Variants in OR4K2 observed in about 807,000 individuals in gnomAD.
OR4K2 encodes the protein olfactory receptor family 4 subfamily K member 2.
In OR4K2, 8 loss-of-function variants were observed where a neutral mutation model predicts 10.5. The observed-to-expected ratio is 0.76, with a 90% confidence interval of 0.45 to 1.37. The LOEUF (loss-of-function observed/expected upper bound fraction) is 1.37, where lower values mean the gene tolerates loss of function less well. Ranked by LOEUF, OR4K2 falls within the 40% of genes most tolerant of loss-of-function variation. OR4K2 has a pLI of 0.00. For synonymous variants in OR4K2, 178 were observed against 133.6 expected, an observed-to-expected ratio of 1.33 and a Z score of -2.29; for missense variants, 547 against 379.5, an observed-to-expected ratio of 1.44 and a Z score of -3.67.
chr14:19,881,782 T>A lies in OR4K2; in HGVS notation c.*4570T>A, dbSNP rs952566360. 2 of 152,010 alleles carry A rather than the reference T, an allele frequency of 1.3e-5. No individual in the cohort carries two copies. The highest frequency in any genetic ancestry group is 2.9e-5 in the Non-Finnish European group (2 of 67,994). The allele number at this position is 152,010 out of a possible 1,614,324, so 9.4% of individuals were successfully genotyped here. A position where few individuals can be genotyped will look rare whatever the true frequency, so the allele number is the denominator to read the frequency against. ...AAAAGCCAGATTTTTCTCCCTTTGC[T>A]CACTTGCCACCTGTTAAAGAAAATT... On this transcript the variant is annotated 3_prime_UTR_variant, in exon 2 of 2. Transcript: ENST00000641885.
At position 19,881,974 on chromosome 14, in the gene OR4K2, G is replaced by A. The variant is rs565508397; in HGVS notation, c.*4762G>A. The A allele has an allele frequency of 6.6e-6, 1 of 152,164 alleles. No individual in the cohort carries two copies. The highest frequency in any genetic ancestry group is 2.1e-4 in the South Asian group (1 of 4,834). 9.4% of individuals were successfully genotyped at this position (152,164 alleles called of 1,614,324 possible). On this transcript the variant is annotated 3_prime_UTR_variant, in exon 2 of 2. Coordinates refer to ENST00000641885, the MANE Select transcript of OR4K2 (RefSeq NM_001005501.2). ...CGGAAACCATTGGGTAAATTAAGCAGATTTAATACAATGTATTAAATGCTT... is the reference window on the plus strand; with the variant it reads ...CGGAAACCATTGGGTAAATTAAGCAAATTTAATACAATGTATTAAATGCTT...
rs771822273 is a variant in OR4K2 at position 19,877,128 on chromosome 14, T to C, written c.861T>C (p.Tyr287=). ...CTCCCACTCTGAACCCAATAATCTA[T>C]ACTTTGAGGAATCAAGAAGTAAAGA... ...IFTPTLNPII[Y]TLRNQEVKIA... The change falls in exon 2 of 2, where the codon TAT becomes TAC. Residue 287 remains tyrosine, a synonymous_variant. Coordinates refer to ENST00000641885, the MANE Select transcript of OR4K2 (RefSeq NM_001005501.2). 1.4e-5 allele frequency: 23 copies of C among 1,605,586 alleles called. No individual in the cohort carries two copies. The highest frequency in any genetic ancestry group is 4.0e-5 in the African/African-American group (3 of 74,920).
rs1880975281 is a variant in OR4K2, at chr14:19,878,952, CA to C, written c.*1744del. On this transcript the variant is annotated 3_prime_UTR_variant, in exon 2 of 2. Coordinates refer to ENST00000641885, the MANE Select transcript of OR4K2 (RefSeq NM_001005501.2). Reference sequence around the variant, plus strand: ...TATTTCTTTGTCCAGGGAATATTTTCAAAACTGTGCTGCTTTTTGCAATATA... The same window carrying C: ...TATTTCTTTGTCCAGGGAATATTTTCAAACTGTGCTGCTTTTTGCAATATA... 1 of 152,216 alleles carries C rather than the reference CA, an allele frequency of 6.6e-6. No individual in the cohort carries two copies. The highest frequency in any genetic ancestry group is 2.4e-5 in the African/African-American group (1 of 41,470). 9.4% of individuals were successfully genotyped at this position (152,216 alleles called of 1,614,324 possible).
At position 19,876,296 on chromosome 14, in the gene OR4K2, C is replaced by G; in HGVS notation, c.29C>G (p.Ser10Cys). The change falls in exon 2 of 2, where the codon TCT becomes TGT. Residue 10 changes from serine to cysteine, a missense_variant. Ser to Cys is a moderately radical substitution (Grantham distance 112). Coordinates refer to ENST00000641885, the MANE Select transcript of OR4K2 (RefSeq NM_001005501.2). MDVGNKSTM[S>C]EFVLLGLSNS... ...GATGTGGGCAATAAGTCTACCATGTCTGAATTTGTTTTGCTGGGGCTCTCT... is the reference window on the plus strand; with the variant it reads ...GATGTGGGCAATAAGTCTACCATGTGTGAATTTGTTTTGCTGGGGCTCTCT... 6.4e-7 allele frequency: 1 copy of G among 1,554,742 alleles called. No homozygotes were observed. The highest frequency in any genetic ancestry group is 1.8e-5 in the Admixed American group (1 of 56,596).
At position 19,875,484 on chromosome 14, in the gene OR4K2, T is replaced by C. The variant is rs767661011; in HGVS notation, c.-674T>C. On this transcript the variant is annotated 5_prime_UTR_variant, in exon 1 of 2. The change abolishes an upstream ATG in the 5' untranslated region. Transcript: ENST00000641885. ...ATCTTTGAGCACTTTCCCATGAAAA[T>C]GTTGTTATATATCCTTTGTGATATA... 1.3e-5 allele frequency: 2 copies of C among 152,192 alleles called. No individual in the cohort carries two copies. Among genetic ancestry groups the C allele is most frequent in the South Asian group, 2.1e-4 (1 of 4,826 alleles). 9.4% of individuals were successfully genotyped at this position (152,192 alleles called of 1,614,324 possible). A position where few individuals can be genotyped will look rare whatever the true frequency, so the allele number is the denominator to read the frequency against.
At position 19,877,952 on chromosome 14, in the gene OR4K2, C is replaced by T. The variant is rs2138531648; in HGVS notation, c.*740C>T. On this transcript the variant is annotated 3_prime_UTR_variant, in exon 2 of 2. Transcript: ENST00000641885. ...TTGTTTTGTGCAGACACGATGGTTG[C>T]TTAGTTCCTAAGAAGTTAAAACTAG... The T allele has an allele frequency of 1.3e-5, 2 of 152,364 alleles. No homozygotes were observed. Among genetic ancestry groups the T allele is most frequent in the Middle Eastern group, 6.8e-3 (2 of 296 alleles). 9.4% of individuals were successfully genotyped at this position (152,364 alleles called of 1,614,324 possible).
rs1301397519 is a variant in OR4K2 at position 19,875,142 on chromosome 14, G to A, written c.-1016G>A. 6.6e-6 allele frequency: 1 copy of A among 152,204 alleles called. No individual in the cohort carries two copies. The highest frequency in any genetic ancestry group is 1.5e-5 in the Non-Finnish European group (1 of 68,028). 9.4% of individuals were successfully genotyped at this position (152,204 alleles called of 1,614,324 possible). On this transcript the variant is annotated 5_prime_UTR_variant, in exon 1 of 2. Transcript: ENST00000641885. ...AGGTGATTTCTTGTTCAATTCCCATGTCCCTACAACATCCATTTTATCCAC... is the reference window on the plus strand; with the variant it reads ...AGGTGATTTCTTGTTCAATTCCCATATCCCTACAACATCCATTTTATCCAC...
chr14:19,877,086 GT>G lies in OR4K2; in HGVS notation c.823del (p.Tyr275IlefsTer8). ...SFLTDKILSV[F>X]YTIFTPTLNP... ...TTCTCACAGACAAGATTCTGTCTGTGTTTTATACCATCTTTACTCCCACTCT... is the reference window on the plus strand; with the variant it reads ...TTCTCACAGACAAGATTCTGTCTGTGTTTATACCATCTTTACTCCCACTCT... On this transcript the variant is annotated frameshift_variant, in exon 2 of 2. Transcript: ENST00000641885. LOFTEE classifies it high-confidence loss of function. 6.2e-7 allele frequency: 1 copy of G among 1,610,546 alleles called. No individual in the cohort carries two copies. Among genetic ancestry groups the G allele is most frequent in the Admixed American group, 1.7e-5 (1 of 60,002 alleles).
chr14:19,875,956 A>G lies in OR4K2; in HGVS notation c.-202A>G. On this transcript the variant is annotated 5_prime_UTR_variant, in exon 1 of 2. Transcript: ENST00000641885. Reference sequence around the variant, plus strand: ...CTTACACAGATGAATAGATGGACAAATAGGTAGGTATGTCTGTTCAGAATG... The same window carrying G: ...CTTACACAGATGAATAGATGGACAAGTAGGTAGGTATGTCTGTTCAGAATG... 3.2e-6 allele frequency: 1 copy of G among 316,578 alleles called. No individual in the cohort carries two copies. 19.6% of individuals were successfully genotyped at this position (316,578 alleles called of 1,614,324 possible).
chr14:19,882,364 C>CTTTTTTTTTTTTTTTTTTTTTTTTTTTTT lies in OR4K2; in HGVS notation c.*5154_*5155insTTTTTTTTTTTTTTTTTTTTTTTTTTTTT, dbSNP rs1566486271. On this transcript the variant is annotated 3_prime_UTR_variant, in exon 2 of 2. Coordinates refer to ENST00000641885, the MANE Select transcript of OR4K2 (RefSeq NM_001005501.2). ...AAATCAATTTGTAGATTTCAAGATT[C>CTTTTTTTTTTTTTTTTTTTTTTTTTTTTT]TTATGCAACAGAAAACATGCTAATA... 2 of 152,124 alleles carry CTTTTTTTTTTTTTTTTTTTTTTTTTTTTT rather than the reference C, an allele frequency of 1.3e-5. No homozygotes were observed. Among genetic ancestry groups the CTTTTTTTTTTTTTTTTTTTTTTTTTTTTT allele is most frequent in the African/African-American group, 4.8e-5 (2 of 41,340 alleles). The allele number at this position is 152,124 out of a possible 1,614,324, so 9.4% of individuals were successfully genotyped here. A position where few individuals can be genotyped will look rare whatever the true frequency, so the allele number is the denominator to read the frequency against.
chr14:19,875,345 T>G lies in OR4K2; in HGVS notation c.-813T>G, dbSNP rs1287593899. On this transcript the variant is annotated 5_prime_UTR_variant, in exon 1 of 2. Coordinates refer to ENST00000641885, the MANE Select transcript of OR4K2 (RefSeq NM_001005501.2). ...ACTGAAATATTTTAAATGTTTGCCCTTCCCACTCCCATTTCCTAATCCCTA... is the reference window on the plus strand; with the variant it reads ...ACTGAAATATTTTAAATGTTTGCCCGTCCCACTCCCATTTCCTAATCCCTA... 4 of 152,258 alleles carry G rather than the reference T, an allele frequency of 2.6e-5. No homozygotes were observed. The highest frequency in any genetic ancestry group is 5.9e-5 in the Non-Finnish European group (4 of 68,052). 9.4% of individuals were successfully genotyped at this position (152,258 alleles called of 1,614,324 possible). A position where few individuals can be genotyped will look rare whatever the true frequency, so the allele number is the denominator to read the frequency against.
rs1254356691 is a variant in OR4K2 at position 19,882,144 on chromosome 14, G to A, written c.*4932G>A. The stretch of plus-strand genomic sequence containing the variant: ...CATTGCCACTCCTTCATCACCCTCA[G>A]CACTCTTGAAGGTGGTGAATAGTCA... On this transcript the variant is annotated 3_prime_UTR_variant, in exon 2 of 2. Transcript: ENST00000641885. The A allele has an allele frequency of 2.6e-5, 4 of 152,400 alleles. No individual in the cohort carries two copies. The highest frequency in any genetic ancestry group is 2.6e-4 in the Admixed American group (4 of 15,286). The allele number at this position is 152,400 out of a possible 1,614,324, so 9.4% of individuals were successfully genotyped here.
rs1176956110 is a variant in OR4K2 at position 19,883,350 on chromosome 14, T to C, written c.*6138T>C. ...ATTCTCTACTATATTCCTCAGGAAG[T>C]CTTCTTGAAGACCCTATTCTCTGAA... is the stretch of plus-strand genomic sequence containing the variant. On this transcript the variant is annotated 3_prime_UTR_variant, in exon 2 of 2. Transcript: ENST00000641885. The C allele has an allele frequency of 6.6e-6, 1 of 152,284 alleles. No individual in the cohort carries two copies. Among genetic ancestry groups the C allele is most frequent in the African/African-American group, 2.4e-5 (1 of 41,466 alleles). The allele number at this position is 152,284 out of a possible 1,614,324, so 9.4% of individuals were successfully genotyped here.
Position 19,882,593 on chromosome 14 carries a change from C to T in OR4K2, c.*5381C>T, listed in dbSNP as rs905674207. 6.6e-6 allele frequency: 1 copy of T among 152,260 alleles called. No individual in the cohort carries two copies. The allele number at this position is 152,260 out of a possible 1,614,324, so 9.4% of individuals were successfully genotyped here. A position where few individuals can be genotyped will look rare whatever the true frequency, so the allele number is the denominator to read the frequency against. ...AACTTCGCCAGCCACCCCTGAAGTC[C>T]TCAAGTTTGTTCATCTCGATGACAA... On this transcript the variant is annotated 3_prime_UTR_variant, in exon 2 of 2. Coordinates refer to ENST00000641885, the MANE Select transcript of OR4K2 (RefSeq NM_001005501.2).
In OR4K2 at chr14:19,878,539, T is replaced by C. The variant is rs1880966224; in HGVS notation, c.*1327T>C. On this transcript the variant is annotated 3_prime_UTR_variant, in exon 2 of 2. Coordinates refer to ENST00000641885, the MANE Select transcript of OR4K2 (RefSeq NM_001005501.2). Reference sequence around the variant, plus strand: ...AAAGATAATTAAAACAGAAAATCCTTAGATGTTCATATTAAACCAAGTTAT... The same window carrying C: ...AAAGATAATTAAAACAGAAAATCCTCAGATGTTCATATTAAACCAAGTTAT... 6.6e-6 allele frequency: 1 copy of C among 152,220 alleles called. No homozygotes were observed. The highest frequency in any genetic ancestry group is 2.4e-5 in the African/African-American group (1 of 41,472). The allele number at this position is 152,220 out of a possible 1,614,324, so 9.4% of individuals were successfully genotyped here.
At position 19,875,259 on chromosome 14, in the gene OR4K2, A is replaced by C. The variant is rs932700447; in HGVS notation, c.-899A>C. 3.3e-5 allele frequency: 5 copies of C among 152,256 alleles called. No individual in the cohort carries two copies. Among genetic ancestry groups the C allele is most frequent in the Non-Finnish European group, 5.9e-5 (4 of 68,038 alleles). 9.4% of individuals were successfully genotyped at this position (152,256 alleles called of 1,614,324 possible). On this transcript the variant is annotated 5_prime_UTR_variant, in exon 1 of 2. Transcript: ENST00000641885. ...GTCAGAAGCCTACTTAACACTGAAT[A>C]ATCTAAAGCCCTGGTTCTTCTATAG...
rs1880967844 is a variant in OR4K2 at position 19,878,594 on chromosome 14, TGTG to T, written c.*1383_*1385del. 6.6e-6 allele frequency: 1 copy of T among 152,214 alleles called. No individual in the cohort carries two copies. The highest frequency in any genetic ancestry group is 2.1e-4 in the South Asian group (1 of 4,836). 9.4% of individuals were successfully genotyped at this position (152,214 alleles called of 1,614,324 possible). ...GGAATTTATTTTTTCTTCATCAGTTTGTGTTTTATTTCTTCATTAATGTACTAA... is the reference window on the plus strand; with the variant it reads ...GGAATTTATTTTTTCTTCATCAGTTTTTTTATTTCTTCATTAATGTACTAA... On this transcript the variant is annotated 3_prime_UTR_variant, in exon 2 of 2. Coordinates refer to ENST00000641885, the MANE Select transcript of OR4K2 (RefSeq NM_001005501.2).
At position 19,877,284 on chromosome 14, in the gene OR4K2, T is replaced by C; in HGVS notation, c.*72T>C. 3 of 1,093,962 alleles carry C rather than the reference T, an allele frequency of 2.7e-6. No homozygotes were observed. The highest frequency in any genetic ancestry group is 4.5e-4 in the Middle Eastern group (2 of 4,398). The allele number at this position is 1,093,962 out of a possible 1,614,324, so 67.8% of individuals were successfully genotyped here. ...TTTCTAGAGGGTTCTTACCAAATTG[T>C]AATTGCCAAGAATTTGTGAGGGCTC... On this transcript the variant is annotated 3_prime_UTR_variant, in exon 2 of 2. Transcript: ENST00000641885.
chr14:19,877,063 C>T lies in OR4K2; in HGVS notation c.796C>T (p.Leu266Phe). Residue 266 changes from leucine to phenylalanine, a missense_variant, in exon 2 of 2, where the codon CTC becomes TTC. Coordinates refer to ENST00000641885, the MANE Select transcript of OR4K2 (RefSeq NM_001005501.2). ...FIYMWPLSSF[L>F]TDKILSVFYT... Reference sequence around the variant, plus strand: ...CTACATGTGGCCACTAAGCAGCTTTCTCACAGACAAGATTCTGTCTGTGTT... The same window carrying T: ...CTACATGTGGCCACTAAGCAGCTTTTTCACAGACAAGATTCTGTCTGTGTT... 1.9e-6 allele frequency: 3 copies of T among 1,612,446 alleles called. No homozygotes were observed. Among genetic ancestry groups the T allele is most frequent in the Non-Finnish European group, 2.5e-6 (3 of 1,179,942 alleles).
Sources: gnomAD v4.1 joint callset for allele counts on GRCh38, gnomAD v4.1.1 for gene constraint, MANE v1.5 for transcripts, NCBI Gene and HGNC (gene_info 2026-07-23, HGNC 2026-07-21) for gene names.